The following AGBL1 variants were observed in gnomAD, a reference collection of about 807,000 sequenced individuals.
AGBL1 encodes the protein cytosolic carboxypeptidase 4.
In AGBL1, 130 loss-of-function variants were observed where a neutral mutation model predicts 118.9. The ratio of observed to expected loss-of-function variants is 1.09; its 90% CI spans 0.95 to 1.26. The LOEUF (loss-of-function observed/expected upper bound fraction) is 1.26, where lower values mean the gene tolerates loss of function less well. Ranked by LOEUF, AGBL1 falls within the 50% of genes most tolerant of loss-of-function variation. The pLI, the probability that AGBL1 is intolerant of heterozygous loss-of-function variation, is 0.00. For missense variants in AGBL1, 1,584 were observed against 1,298.1 expected (o/e 1.22, Z -3.38); for synonymous variants, 555 against 478.9 (o/e 1.16, Z -2.08).
intron 23 of AGBL1, among the ~76,000 whole-genome samples, chr15:86,978,603 C>G (rs1272320321): frequency 6.6e-6 from 1 of 152,116 alleles, no homozygotes; most frequent in Non-Finnish European, 1.5e-5. Context: ...GCTCAGAAAC[C>G]TAGCCCCACC....
chr15:86,806,326 C>G (rs907290938), intron 22 of AGBL1, among the ~76,000 whole-genome samples: 1 of 152,066 alleles, frequency 6.6e-6, no homozygotes, highest in Admixed American at 6.6e-5. Flanking sequence ...GTGCAAAACT[C>G]TGATTAAGCA....
chr15:86,112,794 G>A (rs1897477134), intron 1 of AGBL1, among the ~76,000 whole-genome samples: 1 of 152,196 alleles, frequency 6.6e-6, no homozygotes, highest in Non-Finnish European at 1.5e-5. Context: ...CCATTTGAGA[G>A]GAGAAAGATG....
intron 21 of AGBL1, among the ~76,000 whole-genome samples, chr15:86,663,578 G>A (rs2085585269): frequency 6.6e-6 from 1 of 152,084 alleles, no homozygotes; most frequent in Non-Finnish European, 1.5e-5. Context: ...AGGGAGGCAG[G>A]CTGTTGTTGC....
At position 86,394,756 on chromosome 15, in the gene AGBL1, G is replaced by A. The variant is rs577468650; in HGVS notation, c.2375-2610G>A. ...TGTGCAAAACTGGAGGAAGAAGAAG[G>A]GCGAAGGACAAGACACAAAAACCAA... On this transcript the variant is annotated intron_variant, in intron 17 of 22. Transcript: ENST00000614907. Among the ~76,000 whole-genome samples the A allele has an allele frequency of 2.6e-5, 4 of 152,190 alleles. No homozygotes were observed. The South Asian group carries it at 6.2e-4, about 24-fold the overall frequency.
At chr15:86,686,650 G>A (rs979257118) in intron 22 of AGBL1, among the ~76,000 whole-genome samples, 1 of 151,954 alleles carries the variant, frequency 6.6e-6, no homozygotes, top group Non-Finnish European at 1.5e-5. Context: ...TGTTGGCCAG[G>A]CTGGTCTTGA....
At position 86,743,724 on chromosome 15, in the gene AGBL1, T is replaced by C. The variant is rs149486646; in HGVS notation, c.3158+69288T>C. 4.7e-3 allele frequency among the ~76,000 whole-genome samples: 715 copies of C among 152,250 alleles called. 12 individuals are homozygous for C. The highest frequency in any genetic ancestry group is 0.016 in the African/African-American group (676 of 41,560). On this transcript the variant is annotated intron_variant, in intron 22 of 22. Transcript: ENST00000614907. ...AGGGGATTCTGATGCGGATGATCCCTGAAAAATATCTGAGAGCTTCTGAAT... is the reference window on the plus strand; with the variant it reads ...AGGGGATTCTGATGCGGATGATCCCCGAAAAATATCTGAGAGCTTCTGAAT...
chr15:86,379,389 A>G (rs2081083105), intron 17 of AGBL1, among the ~76,000 whole-genome samples: 1 of 152,186 alleles, frequency 6.6e-6, no homozygotes, highest in Admixed American at 6.5e-5. Flanking sequence ...TGTTTTACAG[A>G]AAACTTTTTA....
At chr15:86,928,450 A>T (rs1217072022) in intron 23 of AGBL1, among the ~76,000 whole-genome samples, 2 of 152,186 alleles carry the variant, frequency 1.3e-5, no homozygotes, top group Non-Finnish European at 2.9e-5. Context: ...TTTGAGGCTC[A>T]GTGATGTAAA....
intron 18 of AGBL1, among the ~76,000 whole-genome samples, chr15:86,515,938 A>C (rs2083115429): frequency 6.6e-6 from 1 of 152,200 alleles, no homozygotes; most frequent in South Asian, 2.1e-4. Context: ...GAGACATGAG[A>C]TAGCAATTAA....
At chr15:86,252,127 G>C (rs1405389720) in intron 7 of AGBL1, among the ~76,000 whole-genome samples, 1 of 152,216 alleles carries the variant, frequency 6.6e-6, no homozygotes, top group African/African-American at 2.4e-5. Flanking sequence ...CGAGTTCTCA[G>C]GTGATACTGA....
chr15:86,298,246 A>ATTATATATAT lies in AGBL1; in HGVS notation c.2374+2838_2374+2839insTTATATATAT, dbSNP rs1555462936. Among the ~76,000 whole-genome samples the ATTATATATAT allele has an allele frequency of 1.3e-3, 89 of 69,794 alleles. 4 individuals are homozygous for ATTATATATAT. Among genetic ancestry groups the ATTATATATAT allele is most frequent in the South Asian group, 5.3e-3 (11 of 2,066 alleles). The allele number at this position is 69,794 out of a possible 152,430, so 45.8% of individuals were successfully genotyped here. On this transcript the variant is annotated intron_variant, in intron 17 of 22. Transcript: ENST00000614907. ...GTATACAGGGTACGTGTCTGTGTAT[A>ATTATATATAT]ATATATATATATATATATATATATA...
At chr15:86,588,871 C>A (rs138243152) in intron 21 of AGBL1, among the ~76,000 whole-genome samples, 68 of 152,256 alleles carry the variant, frequency 4.5e-4, no homozygotes, top group African/African-American at 1.6e-3. Flanking sequence ...TTTATTATTT[C>A]TTTGATGGCA....
intron 21 of AGBL1, among the ~76,000 whole-genome samples, chr15:86,659,835 C>G (rs529592534): frequency 6.6e-6 from 1 of 152,318 alleles, no homozygotes; most frequent in African/African-American, 2.4e-5. Context: ...GCTGTTCCCT[C>G]CTGAGCACTT....
At chr15:86,242,026 C>T (rs1359750731) in intron 6 of AGBL1, among the ~76,000 whole-genome samples, 1 of 152,142 alleles carries the variant, frequency 6.6e-6, no homozygotes, top group Non-Finnish European at 1.5e-5. Context: ...TAATAAGTCT[C>T]ATGAGATCTG....
At position 86,869,089 on chromosome 15, in the gene AGBL1, G is replaced by C. The variant is rs569253198; in HGVS notation, c.3159-37998G>C. Among the ~76,000 whole-genome samples the C allele has an allele frequency of 2.7e-4, 41 of 152,314 alleles. 1 individual carries two copies. In the South Asian group the frequency reaches 8.5e-3, roughly 32 times the overall value. ...CTGCCTTGGTGGCAGGGTGATAAAT[G>C]CTTCTGAATTTGAGTTAAGCAGACT... On this transcript the variant is annotated intron_variant, in intron 22 of 22. Coordinates refer to ENST00000614907, the MANE Select transcript of AGBL1 (RefSeq NM_001386094.1).
intron 17 of AGBL1, among the ~76,000 whole-genome samples, chr15:86,343,531 T>C (rs1399441729): frequency 6.6e-6 from 1 of 152,214 alleles, no homozygotes; most frequent in Non-Finnish European, 1.5e-5. Context: ...TTATTCTTGC[T>C]TCTGCATCTC....
chr15:86,552,579 C>G (rs986660643), intron 20 of AGBL1, among the ~76,000 whole-genome samples: 6 of 152,194 alleles, frequency 3.9e-5, no homozygotes, highest in African/African-American at 7.2e-5. Context: ...ATGTAGTAAC[C>G]TCTATGAGCA....
intron 17 of AGBL1, among the ~76,000 whole-genome samples, chr15:86,375,544 G>A (rs2081030941): frequency 6.6e-6 from 1 of 152,118 alleles, no homozygotes; most frequent in Admixed American, 6.6e-5. Flanking sequence ...TCATGATCTT[G>A]ATTTGTAGCA....
chr15:86,425,796 G>C (rs543978759), intron 18 of AGBL1, among the ~76,000 whole-genome samples: 20 of 152,148 alleles, frequency 1.3e-4, no homozygotes, highest in African/African-American at 4.8e-4. Flanking sequence ...TGGGCTCTGG[G>C]TGTCTGTATT....
Sources: gnomAD v4.1 joint callset for allele counts (sites outside exome capture counted in the v4.1 genomes callset) on GRCh38, gnomAD v4.1.1 for gene constraint, MANE v1.5 for transcripts, NCBI Gene and HGNC (gene_info 2026-07-23, HGNC 2026-07-21) for gene names.